The following NCAM2 variants were observed in gnomAD, a reference collection of about 807,000 sequenced individuals.
NCAM2 encodes neural cell adhesion molecule 2.
NCAM2 carries 30 observed loss-of-function variants against 98.1 expected under a neutral mutation model. That is an observed-to-expected ratio of 0.31 (90% CI 0.23 to 0.41). NCAM2 has a LOEUF of 0.41. Among genes scored for constraint, NCAM2 ranks in the 10% least tolerant of loss-of-function variants. The probability of loss-of-function intolerance (pLI) is 1.00; values close to 1 mark genes in which losing one functional copy is unlikely to be tolerated. For missense variants in NCAM2, 867 were observed against 1,005.8 expected, an observed-to-expected ratio of 0.86 and a Z score of 1.87; for synonymous variants, 368 against 342.4, an observed-to-expected ratio of 1.07 and a Z score of -0.83.
At chr21:21,062,709 A>G (rs1221647538) in intron 1 of NCAM2, among the ~76,000 whole-genome samples, 1 of 152,250 alleles carries the variant, frequency 6.6e-6, no homozygotes, top group Non-Finnish European at 1.5e-5. Context: ...GAAAGACAAA[A>G]TGTATTGTTT....
At chr21:21,513,167 G>C (rs912796058) in intron 16 of NCAM2, among the ~76,000 whole-genome samples, 4 of 152,054 alleles carry the variant, frequency 2.6e-5, no homozygotes, top group Non-Finnish European at 4.4e-5. Context: ...CCAGATCTTA[G>C]AGGAAAGGCT....
chr21:21,465,180 G>A (rs939457279), intron 12 of NCAM2, among the ~76,000 whole-genome samples: 2 of 151,914 alleles, frequency 1.3e-5, no homozygotes, highest in Non-Finnish European at 2.9e-5. Flanking sequence ...TATTTATCTG[G>A]TATTAAGTAA....
At chr21:21,467,093 CCTGA>C (rs1206536292) in intron 13 of NCAM2, among the ~76,000 whole-genome samples, 1 of 151,776 alleles carries the variant, frequency 6.6e-6, no homozygotes, top group South Asian at 2.1e-4. Context: ...TTTTTGGAGG[CCTGA>C]CTATTGACCT....
intron 1 of NCAM2, among the ~76,000 whole-genome samples, chr21:21,158,127 A>G (rs1455652866): frequency 6.6e-6 from 1 of 152,166 alleles, no homozygotes; most frequent in Non-Finnish European, 1.5e-5. Flanking sequence ...TGGCAAAACT[A>G]CCCTCTTAAG....
chr21:21,074,204 T>A (rs988254584), intron 1 of NCAM2, among the ~76,000 whole-genome samples: 14 of 152,056 alleles, frequency 9.2e-5, no homozygotes, highest in African/African-American at 2.7e-4. Context: ...ACATAAAGAA[T>A]TGTAATTTAA....
intron 16 of NCAM2, among the ~76,000 whole-genome samples, chr21:21,531,324 T>A (rs750104363): frequency 6.6e-6 from 1 of 152,198 alleles, no homozygotes; most frequent in Non-Finnish European, 1.5e-5. Context: ...AAATTGAAAG[T>A]TTCAGTAATA....
At chr21:21,371,042 G>T (rs747407156) in intron 8 of NCAM2, among the ~76,000 whole-genome samples, 4 of 151,800 alleles carry the variant, frequency 2.6e-5, no homozygotes, top group Non-Finnish European at 5.9e-5. Flanking sequence ...CATTTACACT[G>T]CTGGGTGAAA....
chr21:21,271,093 A>C (rs1210844622), intron 1 of NCAM2, among the ~76,000 whole-genome samples: 1 of 152,178 alleles, frequency 6.6e-6, no homozygotes, highest in Non-Finnish European at 1.5e-5. Context: ...AATGAAAAAC[A>C]CCCACATACT....
At chr21:21,428,974 A>G (rs2077271926) in intron 11 of NCAM2, among the ~76,000 whole-genome samples, 1 of 152,202 alleles carries the variant, frequency 6.6e-6, no homozygotes, top group African/African-American at 2.4e-5. Context: ...GTGTGTTTGT[A>G]AAGTGTTTTA....
In NCAM2 at chr21:21,284,199, G is replaced by C; in HGVS notation, c.136G>C (p.Gly46Arg). 6.2e-7 allele frequency: 1 copy of C among 1,609,638 alleles called. No homozygotes were observed. The highest frequency in any genetic ancestry group is 8.5e-7 in the Non-Finnish European group (1 of 1,176,428). Residue 46 changes from glycine (G) to arginine (R), a missense_variant, in exon 3 of 18, where the codon GGT (glycine) becomes CGT (arginine). By Grantham distance (125) the Gly-to-Arg change is moderately radical. This residue lies in a region of NCAM2 where 447 missense variants were observed against 495.7 expected (regional missense o/e 0.90). Transcript: ENST00000400546. Reference protein sequence around the residue: ...ESKFFTCTAIGEPESIDWYNP... With the variant: ...ESKFFTCTAIREPESIDWYNP... ...TTTTCCATGGCTCTTTGCAGCGATT[G>C]GTGAACCTGAAAGTATAGATTGGTA...
intron 1 of NCAM2, among the ~76,000 whole-genome samples, chr21:21,219,044 G>A (rs2147122096): frequency 6.6e-6 from 1 of 152,304 alleles, no homozygotes. Flanking sequence ...ACAAGCTTGT[G>A]TTGTTTACCA....
At chr21:21,221,477 A>AT in intron 1 of NCAM2, among the ~76,000 whole-genome samples, 1 of 302 alleles carries the variant, frequency 3.3e-3, no homozygotes, top group South Asian at 0.5. Flanking sequence ...GGAAACTAAA[A>AT]TGTACTCCAT....
intron 1 of NCAM2, among the ~76,000 whole-genome samples, chr21:21,132,091 T>C (rs1290213119): frequency 6.6e-6 from 1 of 152,202 alleles, no homozygotes; most frequent in Non-Finnish European, 1.5e-5. Flanking sequence ...TTCCAGGTTC[T>C]AGGAGTTTCC....
At chr21:21,473,817 A>G (rs958953493) in intron 14 of NCAM2, among the ~76,000 whole-genome samples, 2 of 151,660 alleles carry the variant, frequency 1.3e-5, no homozygotes, top group Admixed American at 1.3e-4. Context: ...ATGATAGCCA[A>G]TACTTTCCTG....
intron 1 of NCAM2, among the ~76,000 whole-genome samples, chr21:21,087,663 A>G (rs12373948): frequency 0.64 from 97,468 of 152,016 alleles, 34,624 homozygotes; most frequent in Middle Eastern, 0.8. Context: ...TGGGAGATAT[A>G]GCACTCTGGG....
intron 8 of NCAM2, among the ~76,000 whole-genome samples, chr21:21,352,569 G>C (rs770806669): frequency 6.6e-6 from 1 of 151,742 alleles, no homozygotes; most frequent in Non-Finnish European, 1.5e-5. Flanking sequence ...TCTTGCTTTT[G>C]GTGTGTCATT....
intron 1 of NCAM2, among the ~76,000 whole-genome samples, chr21:21,213,661 C>T (rs1289226979): frequency 6.6e-6 from 1 of 152,164 alleles, no homozygotes; most frequent in African/African-American, 2.4e-5. Context: ...CCATTTGAAA[C>T]ACATTCAGTT....
At chr21:21,372,700 C>G (rs748777846) in intron 8 of NCAM2, among the ~76,000 whole-genome samples, 1 of 151,772 alleles carries the variant, frequency 6.6e-6, no homozygotes, top group Admixed American at 6.6e-5. Context: ...AGTGATGAAC[C>G]TGAGAATGGC....
At position 21,539,968 on chromosome 21, in the gene NCAM2, AGTTT is replaced by A. The variant is rs1415177145; in HGVS notation, c.*2018_*2021del. On this transcript the variant is annotated 3_prime_UTR_variant, in exon 18 of 18. Coordinates refer to ENST00000400546, the MANE Select transcript of NCAM2 (RefSeq NM_004540.5). ...TAAAACTAGTCAAAATACTTGAATT[AGTTT>A]GTTTGTGCAAAGTGTACAAGCTTAG... The A allele has an allele frequency of 3.9e-5, 6 of 152,136 alleles. No homozygotes were observed. Among genetic ancestry groups the A allele is most frequent in the Admixed American group, 3.9e-4 (6 of 15,248 alleles). 9.4% of individuals were successfully genotyped at this position (152,136 alleles called of 1,614,324 possible).
Sources: allele counts gnomAD v4.1 joint callset (sites outside exome capture counted in the v4.1 genomes callset), GRCh38; gene constraint gnomAD v4.1.1; regional missense constraint gnomAD v4.1.1; transcripts MANE v1.5; gene names NCBI Gene and HGNC (gene_info 2026-07-23, HGNC 2026-07-21).